Variants in NOL4L observed in about 807,000 individuals in gnomAD.
NOL4L encodes the protein nucleolar protein 4-like.
In NOL4L, 7 loss-of-function variants were observed where a neutral mutation model predicts 64.5. The ratio of observed to expected loss-of-function variants is 0.11; its 90% CI spans 0.06 to 0.20. The LOEUF (loss-of-function observed/expected upper bound fraction) is 0.20. Among genes scored for constraint, NOL4L ranks in the 10% least tolerant of loss-of-function variants. The pLI, the probability that NOL4L is intolerant of heterozygous loss-of-function variation, is 1.00. For synonymous variants in NOL4L, 413 were observed against 401.0 expected (o/e 1.03, Z -0.36); for missense variants, 680 against 967.1 (o/e 0.70, Z 3.94).
At chr20:32,474,243 G>A (rs971601641) in intron 5 of NOL4L, among the ~76,000 whole-genome samples, 22 of 152,226 alleles carry the variant, frequency 1.4e-4, no homozygotes, top group African/African-American at 9.6e-5. Flanking sequence ...GCTGGGCAGC[G>A]GAACTGCTCT....
intron 4 of NOL4L, among the ~76,000 whole-genome samples, chr20:32,481,206 G>A (rs1423877812): frequency 3.3e-5 from 5 of 152,178 alleles, no homozygotes; most frequent in Non-Finnish European, 7.3e-5. Context: ...TGGAAAACAG[G>A]CTTTTGTTCC....
At chr20:32,498,472 C>G (rs776019392) in intron 4 of NOL4L, among the ~76,000 whole-genome samples, 6 of 151,320 alleles carry the variant, frequency 4.0e-5, no homozygotes, top group Non-Finnish European at 8.8e-5. Flanking sequence ...TTTAGAAATG[C>G]CCTATTTTCA....
intron 2 of NOL4L, among the ~76,000 whole-genome samples, chr20:32,524,939 C>T (rs2018076873): frequency 6.6e-6 from 1 of 152,204 alleles, no homozygotes; most frequent in African/African-American, 2.4e-5. Context: ...TGTGCCAGCC[C>T]CTTCGGCCTC....
intron 4 of NOL4L, among the ~76,000 whole-genome samples, chr20:32,480,942 C>T (rs1390377134): frequency 6.6e-6 from 1 of 152,176 alleles, no homozygotes; most frequent in Non-Finnish European, 1.5e-5. Flanking sequence ...TTCCTGCAAA[C>T]ATGCCTCCTC....
intron 4 of NOL4L, among the ~76,000 whole-genome samples, chr20:32,493,453 C>T (rs568833634): frequency 1.4e-4 from 21 of 152,188 alleles, no homozygotes; most frequent in African/African-American, 4.1e-4. Context: ...TGGGCAGCTG[C>T]GGACACGCTC....
intron 1 of NOL4L, among the ~76,000 whole-genome samples, chr20:32,549,914 A>C (rs1285731797): frequency 6.6e-6 from 1 of 152,224 alleles, no homozygotes; most frequent in Non-Finnish European, 1.5e-5. Context: ...CCACTCCTAC[A>C]TGGAAGAGAA....
In NOL4L at chr20:32,447,067, T is replaced by G. The variant is rs570557817; in HGVS notation, c.*529A>C. 1.0e-3 allele frequency: 396 copies of G among 378,674 alleles called. 7 individuals carry two copies. Among genetic ancestry groups the G allele is most frequent in the South Asian group, 7.8e-3 (393 of 50,616 alleles). The allele number at this position is 378,674 out of a possible 1,614,324, so 23.5% of individuals were successfully genotyped here. On this transcript the variant is annotated 3_prime_UTR_variant, in exon 11 of 11. Transcript: ENST00000621426. ...CTGGCCCCAGCCCACATCAGTGTAG[T>G]GATATGGAATGTTAGGTATGGGGAT...
chr20:32,476,491 A>G (rs1018057667), intron 4 of NOL4L, among the ~76,000 whole-genome samples: 1 of 152,254 alleles, frequency 6.6e-6, no homozygotes, highest in South Asian at 2.1e-4. Context: ...AGGGGGTGCC[A>G]TGCTCTGGGT....
chr20:32,537,898 C>T (rs2018577777), intron 1 of NOL4L, among the ~76,000 whole-genome samples: 1 of 152,144 alleles, frequency 6.6e-6, no homozygotes, highest in African/African-American at 2.4e-5. Flanking sequence ...CCTGCTACAG[C>T]CTCCCGAGTA....
rs1402588969 is a variant in NOL4L at position 32,581,605 on chromosome 20, A to G, written c.321+2965T>C. ...TGGGGCCTGTCTGCTGGATGACCCA[A>G]CTCCCACCTCCCTTCTTCCTTGGAA... On this transcript the variant is annotated intron_variant, in intron 1 of 10. Coordinates refer to ENST00000621426, the MANE Select transcript of NOL4L (RefSeq NM_001256798.2). Among the ~76,000 whole-genome samples the G allele has an allele frequency of 2.0e-5, 3 of 151,250 alleles. No individual in the cohort carries two copies. In the South Asian group the frequency reaches 6.3e-4, roughly 32 times the overall value.
At chr20:32,469,453 C>A (rs2014843460) in intron 5 of NOL4L, among the ~76,000 whole-genome samples, 1 of 151,096 alleles carries the variant, frequency 6.6e-6, no homozygotes, top group Non-Finnish European at 1.5e-5. Flanking sequence ...CTTACTGTAA[C>A]CTCCGCCTCC....
chr20:32,470,438 C>T (rs1332658612), intron 5 of NOL4L, among the ~76,000 whole-genome samples: 1 of 152,274 alleles, frequency 6.6e-6, no homozygotes, highest in Non-Finnish European at 1.5e-5. Context: ...GTGCCAGGCC[C>T]TGTGCTGGGT....
At chr20:32,496,043 T>C (rs1008444176) in intron 4 of NOL4L, among the ~76,000 whole-genome samples, 5 of 152,052 alleles carry the variant, frequency 3.3e-5, no homozygotes, top group Non-Finnish European at 7.4e-5. Flanking sequence ...GTCCCTGCCC[T>C]GCTTCCCTCT....
At chr20:32,494,325 C>G (rs2016601149) in intron 4 of NOL4L, among the ~76,000 whole-genome samples, 1 of 145,748 alleles carries the variant, frequency 6.9e-6, no homozygotes, top group South Asian at 2.2e-4. Context: ...CTTAAGCTCT[C>G]TAAAGCCGAG....
rs764187811 is a variant in NOL4L at position 32,456,087 on chromosome 20, A to G, written c.1119+31T>C. 8 of 1,462,090 alleles carry G rather than the reference A, an allele frequency of 5.5e-6. No homozygotes were observed. The South Asian group carries it at 1.2e-4, about 22-fold the overall frequency. 90.6% of individuals were successfully genotyped at this position (1,462,090 alleles called of 1,614,324 possible). ...CGCCTCGCGACAGCCCTTTACAGAAAGAAATGGACTCAGCCCCCAGCCCCA... is the reference window on the plus strand; with the variant it reads ...CGCCTCGCGACAGCCCTTTACAGAAGGAAATGGACTCAGCCCCCAGCCCCA... On this transcript the variant is annotated intron_variant, in intron 6 of 10. Transcript: ENST00000621426.
intron 4 of NOL4L, among the ~76,000 whole-genome samples, chr20:32,504,506 G>A (rs1600776270): frequency 6.6e-6 from 1 of 150,600 alleles, no homozygotes; most frequent in South Asian, 2.1e-4. Context: ...CTTGCAGTGA[G>A]CCAAGATCGT....
chr20:32,488,829 T>G (rs561105144), intron 4 of NOL4L, among the ~76,000 whole-genome samples: 1 of 39,316 alleles, frequency 2.5e-5, no homozygotes, highest in African/African-American at 1.9e-4. Flanking sequence ...TTCTTTCTTT[T>G]TCTTTCTTTC....
In NOL4L at chr20:32,584,844, C is replaced by G; in HGVS notation, c.47G>C (p.Arg16Pro). ...LLLRGGWERERSPGDSELGRQ... is the reference protein window; with the variant it reads ...LLLRGGWEREPSPGDSELGRQ... ...GCCCAGCTCCGAGTCCCCGGGGCTG[C>G]GCTCGCGCTCCCAGCCCCCGCGCAG... Residue 16 changes from arginine (R) to proline (P), a missense_variant, in exon 1 of 11, where the codon CGC becomes CCC. By Grantham distance (103) the Arg-to-Pro change is moderately radical. Around this residue, in one of 4 missense-constraint regions of NOL4L, gnomAD observed 181 missense variants for 335.2 expected, o/e 0.54. Transcript: ENST00000621426. 6.8e-7 allele frequency: 1 copy of G among 1,464,838 alleles called. No homozygotes were observed. Among genetic ancestry groups the G allele is most frequent in the South Asian group, 1.3e-5 (1 of 77,954 alleles). The allele number at this position is 1,464,838 out of a possible 1,614,324, so 90.7% of individuals were successfully genotyped here.
intron 2 of NOL4L, among the ~76,000 whole-genome samples, chr20:32,525,721 C>T (rs556258054): frequency 6.6e-6 from 1 of 152,086 alleles, no homozygotes; most frequent in Non-Finnish European, 1.5e-5. Context: ...GCTAGGACTA[C>T]AGGCACACAC....
Sources: gnomAD v4.1 joint callset for allele counts (sites outside exome capture counted in the v4.1 genomes callset) on GRCh38, gnomAD v4.1.1 for gene constraint, gnomAD v4.1.1 regional missense constraint, MANE v1.5 for transcripts, NCBI Gene and HGNC (gene_info 2026-07-23, HGNC 2026-07-21) for gene names.